CSNK2A2IP: variants seen among roughly 807,000 people sequenced by gnomAD.
The protein encoded by CSNK2A2IP is casein kinase II subunit alpha'-interacting protein.
chr3:88,466,828 A>T, the CSNK2A2IP span: 1 of 950,650 alleles, frequency 1.1e-6, no homozygotes. Context: ...TAACCATCTT[A>T]GAGGAAAGAA....
the CSNK2A2IP span, among the ~76,000 whole-genome samples, chr3:88,341,923 T>C: frequency 2.0e-5 from 3 of 151,992 alleles, no homozygotes; most frequent in African/African-American, 7.2e-5. Flanking sequence ...GTGTTTTGTC[T>C]CTTGATAAGC....
the CSNK2A2IP span, among the ~76,000 whole-genome samples, chr3:88,447,225 C>T: frequency 6.6e-6 from 1 of 151,834 alleles, no homozygotes; most frequent in Non-Finnish European, 1.5e-5. Flanking sequence ...CATAAATGGC[C>T]AAAATTTAGC....
chr3:88,465,074 T>C, the CSNK2A2IP span: 2 of 263,188 alleles, frequency 7.6e-6, no homozygotes, highest in Non-Finnish European at 1.4e-5. Context: ...CTCTCCTTAC[T>C]ATTTTGTTAA....
the CSNK2A2IP span, among the ~76,000 whole-genome samples, chr3:88,428,577 C>T: frequency 6.6e-6 from 1 of 152,076 alleles, no homozygotes; most frequent in African/African-American, 2.4e-5. Flanking sequence ...GGGCATTTGC[C>T]CTCATGCTGT....
the CSNK2A2IP span, among the ~76,000 whole-genome samples, chr3:88,358,850 T>C: frequency 9.1e-4 from 138 of 152,298 alleles, 1 homozygote; most frequent in African/African-American, 3.1e-3. Flanking sequence ...CTTTGTAGAA[T>C]GAGTTTGAAA....
the CSNK2A2IP span, among the ~76,000 whole-genome samples, chr3:88,387,384 T>G: frequency 1.2e-3 from 189 of 152,252 alleles, no homozygotes; most frequent in African/African-American, 4.3e-3. Context: ...TTGGCCCGGA[T>G]GGTCTCTGTC....
At chr3:88,408,805 C>G in the CSNK2A2IP span, among the ~76,000 whole-genome samples, 1 of 151,912 alleles carries the variant, frequency 6.6e-6, no homozygotes, top group Non-Finnish European at 1.5e-5. Context: ...GAGTACCTAA[C>G]AAGTTAACTG....
At chr3:88,373,984 T>C in the CSNK2A2IP span, among the ~76,000 whole-genome samples, 1 of 151,654 alleles carries the variant, frequency 6.6e-6, no homozygotes, top group Admixed American at 6.6e-5. Context: ...TTAAATCCAT[T>C]TTATCAAGGA....
the CSNK2A2IP span, among the ~76,000 whole-genome samples, chr3:88,415,670 G>T: frequency 6.6e-6 from 1 of 152,076 alleles, no homozygotes; most frequent in Admixed American, 6.6e-5. Flanking sequence ...TTACATACAT[G>T]ATCTCATTTA....
At chr3:88,460,873 A>C in the CSNK2A2IP span, among the ~76,000 whole-genome samples, 2 of 151,898 alleles carry the variant, frequency 1.3e-5, no homozygotes, top group East Asian at 3.9e-4. Flanking sequence ...AGATCACCCG[A>C]AGTCAGGAGT....
chr3:88,449,116 A>G, the CSNK2A2IP span, among the ~76,000 whole-genome samples: 1 of 152,008 alleles, frequency 6.6e-6, no homozygotes, highest in Non-Finnish European at 1.5e-5. Flanking sequence ...TTTTTAACAT[A>G]CATGATGTAT....
At chr3:88,390,095 G>C in the CSNK2A2IP span, among the ~76,000 whole-genome samples, 11 of 152,072 alleles carry the variant, frequency 7.2e-5, no homozygotes, top group African/African-American at 2.7e-4. Flanking sequence ...CTATGCCATG[G>C]ACACTAGAAG....
the CSNK2A2IP span, among the ~76,000 whole-genome samples, chr3:88,407,011 T>A: frequency 2.2e-4 from 34 of 152,168 alleles, no homozygotes; most frequent in African/African-American, 7.5e-4. Context: ...TTTTGTAGCA[T>A]GTAATGCTGT....
At chr3:88,386,297 T>G in the CSNK2A2IP span, among the ~76,000 whole-genome samples, 1 of 152,166 alleles carries the variant, frequency 6.6e-6, no homozygotes, top group Admixed American at 6.5e-5. Context: ...GCTAATTTTT[T>G]GTATTTTTAG....
the CSNK2A2IP span, among the ~76,000 whole-genome samples, chr3:88,342,707 G>GT: frequency 2.6e-5 from 3 of 115,524 alleles, no homozygotes; most frequent in Non-Finnish European, 6.5e-5. Context: ...TCTGAGCAAG[G>GT]TTAAAAAAAA....
At chr3:88,377,711 T>C in the CSNK2A2IP span, among the ~76,000 whole-genome samples, 15 of 151,872 alleles carry the variant, frequency 9.9e-5, no homozygotes, top group Non-Finnish European at 1.9e-4. Context: ...TCTTCATTTG[T>C]GGAAGAGAAA....
chr3:88,352,248 C>G, the CSNK2A2IP span, among the ~76,000 whole-genome samples: 1 of 152,038 alleles, frequency 6.6e-6, no homozygotes, highest in East Asian at 1.9e-4. Context: ...TATCTGAATA[C>G]ATGCAGACAT....
At chr3:88,424,328 G>T in the CSNK2A2IP span, among the ~76,000 whole-genome samples, 1 of 152,054 alleles carries the variant, frequency 6.6e-6, no homozygotes, top group African/African-American at 2.4e-5. Flanking sequence ...CTTTTTGCCT[G>T]TTATCGATGA....
At chr3:88,458,620 C>CT in the CSNK2A2IP span, among the ~76,000 whole-genome samples, 16 of 151,294 alleles carry the variant, frequency 1.1e-4, no homozygotes, top group Middle Eastern at 3.4e-3. Flanking sequence ...ATGTGCTCTT[C>CT]TTTTTTTTTA....
Sources: gnomAD v4.1 joint callset for allele counts (sites outside exome capture counted in the v4.1 genomes callset) on GRCh38, gnomAD v4.1.1 for gene constraint, MANE v1.5 for transcripts, NCBI Gene and HGNC (gene_info 2026-07-23, HGNC 2026-07-21) for gene names.